Variants in KRT86 observed in about 807,000 individuals in gnomAD.
KRT86 encodes keratin 86.
KRT86 carries 30 observed loss-of-function variants against 41.2 expected under a neutral mutation model. The ratio of observed to expected loss-of-function variants is 0.73; its 90% confidence interval spans 0.54 to 0.99. The LOEUF is 0.99. Ranked by LOEUF, KRT86 falls within the 50% of genes least tolerant of loss-of-function variation. The probability of loss-of-function intolerance (pLI) is 0.00; values close to 1 mark genes in which losing one functional copy is unlikely to be tolerated. For synonymous variants in KRT86, 238 were observed against 238.1 expected, an observed-to-expected ratio of 1.00 and a Z score of 0.00; for missense variants, 561 against 571.4, an observed-to-expected ratio of 0.98 and a Z score of 0.19.
At chr12:52,294,016 G>A (rs1938193847) in intron 2 of KRT86, among the ~76,000 whole-genome samples, 1 of 152,202 alleles carries the variant, frequency 6.6e-6, no homozygotes, top group Non-Finnish European at 1.5e-5. Context: ...GTGGCCTTGT[G>A]CAGGACAAAT....
intron 1 of KRT86, 39 bp from the exon 2 acceptor site, chr12:52,275,781 AC>A: frequency 1.0e-6 from 1 of 968,956 alleles, no homozygotes; most frequent in Non-Finnish European, 1.2e-6. Context: ...TGGCCTCCTC[AC>A]CTCCTGACTA....
intron 2 of KRT86, among the ~76,000 whole-genome samples, chr12:52,280,636 G>A (rs1016177314): frequency 2.6e-4 from 39 of 152,200 alleles, no homozygotes; most frequent in African/African-American, 9.2e-4. Flanking sequence ...AACTTGGCTA[G>A]CCGGATGCCA....
intron 2 of KRT86, among the ~76,000 whole-genome samples, chr12:52,295,720 C>T (rs1420920660): frequency 6.6e-6 from 1 of 152,186 alleles, no homozygotes; most frequent in Non-Finnish European, 1.5e-5. Flanking sequence ...TGGATATATT[C>T]CAAGGGCTTG....
chr12:52,287,024 T>C (rs1937965422), intron 2 of KRT86: 1 of 1,610,148 alleles, frequency 6.2e-7, no homozygotes, highest in Non-Finnish European at 8.5e-7. Context: ...GCCCTGGCCA[T>C]TGCTCAGCCA....
At chr12:52,288,353 G>A (rs757784304) in intron 2 of KRT86, 23 of 1,613,774 alleles carry the variant, frequency 1.4e-5, no homozygotes, top group Non-Finnish European at 1.9e-5. Context: ...TGGCCCCTGA[G>A]CCCGCACCTC....
At chr12:52,308,329 C>A in intron 10 of KRT86, 65 bp downstream of exon 10, 1 of 1,613,034 alleles carries the variant, frequency 6.2e-7, no homozygotes, top group Non-Finnish European at 8.5e-7. Context: ...GCAAAGGGCG[C>A]GTGGGCTCGC....
chr12:52,292,292 G>T (rs1938148213), intron 2 of KRT86, among the ~76,000 whole-genome samples: 1 of 152,166 alleles, frequency 6.6e-6, no homozygotes, highest in Non-Finnish European at 1.5e-5. Flanking sequence ...TACATCAGCA[G>T]GAATTTCTTA....
chr12:52,282,532 G>A (rs1162669322), intron 2 of KRT86, among the ~76,000 whole-genome samples: 3 of 152,168 alleles, frequency 2.0e-5, no homozygotes, highest in African/African-American at 7.2e-5. Flanking sequence ...CACCGCGCCC[G>A]GCCAAGTTTT....
intron 1 of KRT86, among the ~76,000 whole-genome samples, chr12:52,275,332 A>C (rs1248056299): frequency 2.6e-5 from 4 of 152,204 alleles, no homozygotes; most frequent in Admixed American, 2.0e-4. Flanking sequence ...AATCTAGATC[A>C]CTGTCCCTGG....
chr12:52,304,954 G>C lies in KRT86; in HGVS notation c.662G>C (p.Arg221Pro). 1.2e-6 allele frequency: 2 copies of C among 1,614,140 alleles called. No homozygotes were observed. Among genetic ancestry groups the C allele is most frequent in the Non-Finnish European group, 1.7e-6 (2 of 1,180,010 alleles). The part of the protein sequence containing the change: ...LKKDVDCAYL[R>P]KSDLEANVEA... ...CAGGATGTGGACTGCGCCTACCTCC[G>C]CAAATCAGACCTGGAGGCCAATGTG... Residue 221 changes from arginine to proline, a missense_variant, in exon 6 of 11, where the codon CGC (arginine) becomes CCC (proline). Arg to Pro is a moderately radical substitution (Grantham distance 103, BLOSUM62 -2). This residue lies in a region of KRT86 where 397 missense variants were observed against 375.9 expected (regional missense o/e 1.06). Transcript: ENST00000423955.
chr12:52,308,092 T>A, intron 9 of KRT86, 141 bp from the exon 10 acceptor site: 2 of 1,082,990 alleles, frequency 1.8e-6, no homozygotes, highest in Non-Finnish European at 1.3e-6. Context: ...GAGTCTACAC[T>A]GGCTCCTGGC....
At chr12:52,305,597 T>G in intron 7 of KRT86, 66 bp from the exon 8 acceptor site, 1 of 1,613,406 alleles carries the variant, frequency 6.2e-7, no homozygotes, top group Non-Finnish European at 8.5e-7. Context: ...TGCAAAATCA[T>G]CTGTCATGCC....
chr12:52,296,470 T>A (rs1198864167), intron 2 of KRT86, among the ~76,000 whole-genome samples: 1 of 151,794 alleles, frequency 6.6e-6, no homozygotes, highest in African/African-American at 2.4e-5. Flanking sequence ...GCGAGGGAGG[T>A]GCAGGCACCC....
At chr12:52,305,121 T>G in intron 6 of KRT86, 94 bp downstream of exon 6, 1 of 1,604,974 alleles carries the variant, frequency 6.2e-7, no homozygotes, top group East Asian at 2.2e-5. Context: ...GAGGTTGCAG[T>G]CCCTGAGGCT....
intron 2 of KRT86, chr12:52,286,109 A>T: frequency 1.3e-6 from 1 of 743,086 alleles, no homozygotes. Flanking sequence ...GGGGGATCAC[A>T]CAGAGAAATG....
rs1938488680 is a variant in KRT86, at chr12:52,305,473, G to A, written c.900+69G>A. ...GGGATTTGAGATTATCTATTAAATA[G>A]GCTTCCTTTTCTGGGGATGCACTAG... On this transcript the variant is annotated intron_variant, in intron 7 of 10. Transcript: ENST00000423955. The A allele has an allele frequency of 3.1e-6, 5 of 1,612,682 alleles. No homozygotes were observed. In the African/African-American group the frequency reaches 5.3e-5, roughly 17 times the overall value.
rs1214286852 is a variant in KRT86 at position 52,291,226 on chromosome 12, G to A, written c.-4-10687G>A. On this transcript the variant is annotated intron_variant, in intron 2 of 10. Transcript: ENST00000423955. ...TGAGGAGGCTCTCGTTGACCGACAC[G>A]GTGGTGATGCATGGGGGACTGGGCC... 3.4e-6 allele frequency: 5 copies of A among 1,479,416 alleles called. No homozygotes were observed. In the Admixed American group the frequency reaches 8.6e-5, roughly 25 times the overall value. The allele number at this position is 1,479,416 out of a possible 1,614,324, so 91.6% of individuals were successfully genotyped here. A position where few individuals can be genotyped will look rare whatever the true frequency, so the allele number is the denominator to read the frequency against.
In KRT86 at chr12:52,286,678, G is replaced by A. The variant is rs1423567923; in HGVS notation, c.-5+10732G>A. The A allele has an allele frequency of 1.0e-5, 13 of 1,282,768 alleles. No homozygotes were observed. In the Admixed American group the frequency reaches 2.4e-4, roughly 24 times the overall value. 79.5% of individuals were successfully genotyped at this position (1,282,768 alleles called of 1,614,324 possible). On this transcript the variant is annotated intron_variant, in intron 2 of 10. Coordinates refer to ENST00000423955, the MANE Select transcript of KRT86 (RefSeq NM_001320198.2). Reference sequence around the variant, plus strand: ...TGTCTGACCCCAAATCCCTCCTGTTGTGATGCCAGCCCACTCTTTTATATT... The same window carrying A: ...TGTCTGACCCCAAATCCCTCCTGTTATGATGCCAGCCCACTCTTTTATATT...
intron 9 of KRT86, 101 bp downstream of exon 9, chr12:52,306,381 C>T (rs1317772924): frequency 6.4e-7 from 1 of 1,570,344 alleles, no homozygotes; most frequent in African/African-American, 1.4e-5. Context: ...TCTTAACCTC[C>T]CCACCCTGCA....
Sources: allele counts gnomAD v4.1 joint callset (sites outside exome capture counted in the v4.1 genomes callset), GRCh38; gene constraint gnomAD v4.1.1; regional missense constraint gnomAD v4.1.1; transcripts MANE v1.5; gene names NCBI Gene and HGNC (gene_info 2026-07-23, HGNC 2026-07-21).